Variants in DYNC1I1 observed in about 807,000 individuals in gnomAD.
The protein encoded by DYNC1I1 is cytoplasmic dynein 1 intermediate chain 1.
A neutral mutation model predicts 86.6 loss-of-function variants in DYNC1I1; 43 were observed. That is an observed-to-expected ratio of 0.50 (90% confidence interval 0.39 to 0.64). DYNC1I1 has a LOEUF of 0.64. Among genes scored for constraint, DYNC1I1 ranks in the 30% least tolerant of loss-of-function variants. The probability of loss-of-function intolerance (pLI) is 0.00; values close to 1 mark genes in which losing one functional copy is unlikely to be tolerated. For synonymous variants in DYNC1I1, 262 were observed against 283.7 expected, an observed-to-expected ratio of 0.92 and a Z score of 0.77; for missense variants, 604 against 788.8, an observed-to-expected ratio of 0.77 and a Z score of 2.81.
intron 15 of DYNC1I1, among the ~76,000 whole-genome samples, chr7:96,079,289 T>G (rs978377888): frequency 1.3e-5 from 2 of 152,330 alleles, no homozygotes; most frequent in Admixed American, 6.5e-5. Flanking sequence ...GACACAGGTC[T>G]TAAACAGTGG....
Position 95,892,091 on chromosome 7 carries a change from C to T in DYNC1I1, c.490+22093C>T, listed in dbSNP as rs113880885. On this transcript the variant is annotated intron_variant, in intron 6 of 16. Transcript: ENST00000447467. The stretch of plus-strand genomic sequence containing the variant: ...TAAGTGATTCTTCTGCCTCAGCCTC[C>T]TAAGTAGCTGTGATTACAGGCATGC... Among the ~76,000 whole-genome samples the T allele has an allele frequency of 7.2e-3, 1,103 of 152,222 alleles. 14 individuals are homozygous for T. Among genetic ancestry groups the T allele is most frequent in the African/African-American group, 0.025 (1,051 of 41,520 alleles).
chr7:95,993,506 G>C (rs370514059), intron 9 of DYNC1I1, among the ~76,000 whole-genome samples: 1 of 152,172 alleles, frequency 6.6e-6, no homozygotes, highest in African/African-American at 2.4e-5. Context: ...TTAAACTTCA[G>C]ATGGACAGTC....
chr7:95,876,751 T>C (rs893609790), intron 6 of DYNC1I1, among the ~76,000 whole-genome samples: 15 of 152,276 alleles, frequency 9.9e-5, no homozygotes, highest in African/African-American at 3.4e-4. Flanking sequence ...TAACAACTGA[T>C]ATGTTGACTT....
intron 16 of DYNC1I1, among the ~76,000 whole-genome samples, chr7:96,108,691 G>A (rs897785698): frequency 2.6e-5 from 4 of 151,656 alleles, no homozygotes; most frequent in South Asian, 2.1e-4. Flanking sequence ...GTAAAACCCC[G>A]TCTCTACTAA....
chr7:95,838,136 C>A (rs1038777802), intron 5 of DYNC1I1, among the ~76,000 whole-genome samples: 2 of 152,110 alleles, frequency 1.3e-5, no homozygotes, highest in Non-Finnish European at 2.9e-5. Flanking sequence ...TCATTTCTTA[C>A]ATTTTCTTTT....
At chr7:95,776,441 T>C (rs1412244718) in intron 1 of DYNC1I1, among the ~76,000 whole-genome samples, 1 of 152,200 alleles carries the variant, frequency 6.6e-6, no homozygotes, top group Non-Finnish European at 1.5e-5. Context: ...GGCATACGAA[T>C]GGTTTTCAGA....
At chr7:95,897,303 G>A (rs1417507196) in intron 6 of DYNC1I1, among the ~76,000 whole-genome samples, 2 of 151,454 alleles carry the variant, frequency 1.3e-5, no homozygotes, top group Non-Finnish European at 3.0e-5. Context: ...ATGAATTTAT[G>A]TTATAATTTG....
At chr7:96,005,779 C>A (rs971723935) in intron 10 of DYNC1I1, among the ~76,000 whole-genome samples, 1 of 152,132 alleles carries the variant, frequency 6.6e-6, no homozygotes, top group African/African-American at 2.4e-5. Context: ...AAAATCCACA[C>A]GGGGAAAATA....
chr7:96,067,736 CCAA>C (rs1790037264), intron 14 of DYNC1I1, among the ~76,000 whole-genome samples: 1 of 152,086 alleles, frequency 6.6e-6, no homozygotes, highest in African/African-American at 2.4e-5. Context: ...TTTCCATTGT[CCAA>C]CAAGTAAGGA....
intron 5 of DYNC1I1, among the ~76,000 whole-genome samples, chr7:95,854,206 C>A (rs993652090): frequency 6.6e-6 from 1 of 151,454 alleles, no homozygotes. Context: ...TTTTGTAGAC[C>A]CTCTGTTCTT....
At chr7:96,063,305 A>G (rs935013868) in intron 14 of DYNC1I1, among the ~76,000 whole-genome samples, 1 of 152,114 alleles carries the variant, frequency 6.6e-6, no homozygotes, top group Admixed American at 6.6e-5. Context: ...GGGGAATTAC[A>G]TAAGTGCAGA....
intron 6 of DYNC1I1, among the ~76,000 whole-genome samples, chr7:95,942,475 C>A (rs984643961): frequency 6.6e-6 from 1 of 152,314 alleles, no homozygotes; most frequent in Non-Finnish European, 1.5e-5. Flanking sequence ...CCTTCTGAAA[C>A]TATTCCAACC....
intron 10 of DYNC1I1, among the ~76,000 whole-genome samples, chr7:96,014,928 A>G (rs1794365969): frequency 6.6e-6 from 1 of 151,850 alleles, no homozygotes; most frequent in Non-Finnish European, 1.5e-5. Flanking sequence ...GCTTTCCTTA[A>G]CTCTTCATTA....
At chr7:95,827,005 A>G (rs924424342) in intron 4 of DYNC1I1, among the ~76,000 whole-genome samples, 6 of 152,146 alleles carry the variant, frequency 3.9e-5, no homozygotes, top group African/African-American at 1.2e-4. Context: ...CACCTGGGGA[A>G]CTTGTTAAAC....
At chr7:95,920,886 A>C (rs1316277289) in intron 6 of DYNC1I1, among the ~76,000 whole-genome samples, 2 of 152,194 alleles carry the variant, frequency 1.3e-5, no homozygotes, top group Non-Finnish European at 2.9e-5. Context: ...TTAAGAATCC[A>C]AAGTATGAGA....
intron 6 of DYNC1I1, among the ~76,000 whole-genome samples, chr7:95,966,855 C>T (rs916274257): frequency 2.0e-5 from 3 of 152,124 alleles, no homozygotes; most frequent in East Asian, 3.9e-4. Flanking sequence ...AAGAAAGGAC[C>T]GTGAACCTCA....
intron 10 of DYNC1I1, among the ~76,000 whole-genome samples, chr7:96,025,293 A>T (rs1161515567): frequency 2.0e-5 from 3 of 152,162 alleles, no homozygotes; most frequent in Admixed American, 2.0e-4. Context: ...ATGTAAATAT[A>T]TCTGTATTTA....
intron 2 of DYNC1I1, among the ~76,000 whole-genome samples, chr7:95,808,793 G>T (rs1794761290): frequency 6.6e-6 from 1 of 152,160 alleles, no homozygotes; most frequent in South Asian, 2.1e-4. Flanking sequence ...ATAACTTGCT[G>T]AGAAAGGCAC....
intron 6 of DYNC1I1, among the ~76,000 whole-genome samples, chr7:95,952,388 A>G (rs892107733): frequency 2.0e-5 from 3 of 152,152 alleles, no homozygotes; most frequent in Admixed American, 6.5e-5. Flanking sequence ...AAGAGTGACA[A>G]CTAGTGATTA....
Sources: allele counts gnomAD v4.1 joint callset (sites outside exome capture counted in the v4.1 genomes callset), GRCh38; gene constraint gnomAD v4.1.1; transcripts MANE v1.5; gene names NCBI Gene and HGNC (gene_info 2026-07-23, HGNC 2026-07-21).